Variants in KIAA1549 observed in about 807,000 individuals in gnomAD.
The protein encoded by KIAA1549 is UPF0606 protein KIAA1549.
In KIAA1549, 70 loss-of-function variants were observed where a neutral mutation model predicts 156.4. The observed-to-expected ratio is 0.45, with a 90% CI of 0.37 to 0.55. The LOEUF (loss-of-function observed/expected upper bound fraction) is 0.55. Among genes scored for constraint, KIAA1549 ranks in the 20% least tolerant of loss-of-function variants. The pLI, the probability that KIAA1549 is intolerant of heterozygous loss-of-function variation, is 0.00. For synonymous variants in KIAA1549, 1,103 were observed against 1,066.4 expected (o/e 1.03, Z -0.67); for missense variants, 2,428 against 2,540.9 (o/e 0.96, Z 0.96).
intron 1 of KIAA1549, among the ~76,000 whole-genome samples, chr7:138,954,617 C>A (rs1305836643): frequency 6.6e-6 from 1 of 152,088 alleles, no homozygotes; most frequent in Non-Finnish European, 1.5e-5. Context: ...GCACCCCCCT[C>A]CCCCCACAAC....
chr7:138,957,334 T>C (rs1584783669), intron 1 of KIAA1549, among the ~76,000 whole-genome samples: 1 of 152,078 alleles, frequency 6.6e-6, no homozygotes, highest in East Asian at 1.9e-4. Context: ...GTGAACACAC[T>C]GGCAAGGAAC....
chr7:138,966,470 T>C (rs1248106125), intron 1 of KIAA1549, among the ~76,000 whole-genome samples: 1 of 151,966 alleles, frequency 6.6e-6, no homozygotes, highest in African/African-American at 2.4e-5. Flanking sequence ...ACAAGCCAAC[T>C]ACAAGCTGAG....
chr7:138,886,931 T>C (rs12538169), intron 10 of KIAA1549, among the ~76,000 whole-genome samples: 45,634 of 151,934 alleles, frequency 0.3, 7,349 homozygotes, highest in Middle Eastern at 0.41. Flanking sequence ...AGATGGAGTC[T>C]CACTCTGTTG....
chr7:138,927,367 A>G (rs6950293), intron 1 of KIAA1549, among the ~76,000 whole-genome samples: 6,701 of 152,340 alleles, frequency 0.044, 215 homozygotes, highest in African/African-American at 0.075. Context: ...CTGGCTGGGC[A>G]CAGTGGCTCA....
At chr7:138,844,176 G>A in intron 18 of KIAA1549, 141 bp downstream of exon 18, 5 of 927,914 alleles carry the variant, frequency 5.4e-6, no homozygotes, top group Non-Finnish European at 6.6e-6. Context: ...CCTCCATCTC[G>A]GTCAGGATAT....
intron 1 of KIAA1549, among the ~76,000 whole-genome samples, chr7:138,943,246 G>A (rs1396011184): frequency 1.3e-5 from 2 of 152,164 alleles, no homozygotes; most frequent in East Asian, 3.9e-4. Context: ...CGATGGTGAA[G>A]GCGCCGTTCT....
At chr7:138,915,981 G>C (rs940798396) in intron 2 of KIAA1549, among the ~76,000 whole-genome samples, 1 of 152,230 alleles carries the variant, frequency 6.6e-6, no homozygotes, top group African/African-American at 2.4e-5. Context: ...GCAACTGCAA[G>C]GGAAGCTGCT....
intron 14 of KIAA1549, among the ~76,000 whole-genome samples, chr7:138,869,180 A>G (rs999980801): frequency 6.6e-6 from 1 of 152,132 alleles, no homozygotes; most frequent in Admixed American, 6.5e-5. Context: ...AGCCAAGGAC[A>G]CCACAGAAGG....
intron 1 of KIAA1549, among the ~76,000 whole-genome samples, chr7:138,974,329 A>G (rs1051118870): frequency 2.0e-5 from 3 of 151,874 alleles, no homozygotes; most frequent in African/African-American, 7.3e-5. Context: ...TCCTTGGGAG[A>G]AGAGTCCTGA....
chr7:138,833,576 C>T lies in KIAA1549; in HGVS notation c.*4330G>A. On this transcript the variant is annotated 3_prime_UTR_variant, in exon 20 of 20. Coordinates refer to ENST00000422774, the MANE Select transcript of KIAA1549 (RefSeq NM_001164665.2). ...CCCACTGCTTAAAAGTCATCTGCCA[C>T]CCAAATCAAAACACTATGAAATTAA... 4.3e-6 allele frequency: 1 copy of T among 232,464 alleles called. No homozygotes were observed. The highest frequency in any genetic ancestry group is 8.5e-6 in the Non-Finnish European group (1 of 117,604). The allele number at this position is 232,464 out of a possible 1,614,324, so 14.4% of individuals were successfully genotyped here. A position where few individuals can be genotyped will look rare whatever the true frequency, so the allele number is the denominator to read the frequency against.
chr7:138,861,510 T>A, intron 15 of KIAA1549, 54 bp from the exon 16 acceptor site: 1 of 1,419,446 alleles, frequency 7.0e-7, no homozygotes, highest in Non-Finnish European at 9.7e-7. Context: ...GTGGCAACCC[T>A]AAACAGTTTT....
chr7:138,888,039 G>A (rs914388166), intron 10 of KIAA1549, among the ~76,000 whole-genome samples: 7 of 152,308 alleles, frequency 4.6e-5, no homozygotes, highest in Admixed American at 1.3e-4. Context: ...TCATGGCAGG[G>A]CTCTGTGCTT....
In KIAA1549 at chr7:138,903,830, TGTGTGTGTGTGTGTGTGTGTGTGCGCGC is replaced by T. The variant is rs1250086966; in HGVS notation, c.3521-122_3521-95del. ...GTGTGTGTGTGTGTGTGTGTGTGTG[TGTGTGTGTGTGTGTGTGTGTGTGCGCGC>T]GCGCGCGCGCGCACATATGTATTTG... On this transcript the variant is annotated intron_variant, in intron 7 of 19. Transcript: ENST00000422774. 29 of 325,358 alleles carry T rather than the reference TGTGTGTGTGTGTGTGTGTGTGTGCGCGC, an allele frequency of 8.9e-5. No homozygotes were observed. In the East Asian group the frequency reaches 9.4e-4, roughly 11 times the overall value. 20.2% of individuals were successfully genotyped at this position (325,358 alleles called of 1,614,324 possible). A position where few individuals can be genotyped will look rare whatever the true frequency, so the allele number is the denominator to read the frequency against.
chr7:138,844,614 G>T, intron 17 of KIAA1549, 140 bp from the exon 18 acceptor site: 2 of 789,082 alleles, frequency 2.5e-6, no homozygotes, highest in Non-Finnish European at 3.7e-6. Context: ...AAGGGGAAGA[G>T]ATGTTTCTCC....
At chr7:138,896,077 A>G (rs1223993684) in intron 9 of KIAA1549, among the ~76,000 whole-genome samples, 1 of 148,830 alleles carries the variant, frequency 6.7e-6, no homozygotes, top group Non-Finnish European at 1.5e-5. Context: ...ATGGTGCCTT[A>G]CTGCTCATTT....
intron 10 of KIAA1549, among the ~76,000 whole-genome samples, chr7:138,893,551 G>A (rs1355514541): frequency 6.6e-6 from 1 of 152,134 alleles, no homozygotes; most frequent in African/African-American, 2.4e-5. Context: ...ACAAGACTTG[G>A]GATATGTTGA....
rs1489927227 is a variant in KIAA1549, at chr7:138,874,016, GTAATATA to G, written c.4346-2661_4346-2655del. Among the ~76,000 whole-genome samples, 6 of 147,308 alleles carry G rather than the reference GTAATATA, an allele frequency of 4.1e-5. No homozygotes were observed. In the East Asian group the frequency reaches 7.8e-4, roughly 19 times the overall value. Reference sequence around the variant, plus strand: ...TATTTTTGTTTATAGAACTGTATATGTAATATATAATTAGTAATTAGTAATATATTAC... The same window carrying G: ...TATTTTTGTTTATAGAACTGTATATGTAATTAGTAATTAGTAATATATTAC... On this transcript the variant is annotated intron_variant, in intron 12 of 19. Coordinates refer to ENST00000422774, the MANE Select transcript of KIAA1549 (RefSeq NM_001164665.2).
chr7:138,903,852 T>C (rs10235012), intron 7 of KIAA1549, 116 bp from the exon 8 acceptor site: 39,668 of 278,684 alleles, frequency 0.14, 2,949 homozygotes, highest in African/African-American at 0.48. Flanking sequence ...TGTGTGTGTG[T>C]GCGCGCGCGC....
At chr7:138,880,131 T>C (rs543292767) in intron 11 of KIAA1549, among the ~76,000 whole-genome samples, 3 of 152,334 alleles carry the variant, frequency 2.0e-5, no homozygotes, top group South Asian at 2.1e-4. Flanking sequence ...TGATTCTTTA[T>C]ATAAAAAGCA....
Sources: gnomAD v4.1 joint callset for allele counts (sites outside exome capture counted in the v4.1 genomes callset) on GRCh38, gnomAD v4.1.1 for gene constraint, MANE v1.5 for transcripts, NCBI Gene and HGNC (gene_info 2026-07-23, HGNC 2026-07-21) for gene names.